The following ATXN1L variants were observed in gnomAD, a reference collection of about 807,000 sequenced individuals.
The protein encoded by ATXN1L is ataxin-1-like.
In ATXN1L, 8 loss-of-function variants were observed where a neutral mutation model predicts 43.4. The ratio of observed to expected loss-of-function variants is 0.18; its 90% CI spans 0.11 to 0.33. The LOEUF (loss-of-function observed/expected upper bound fraction) is 0.33. Among genes scored for constraint, ATXN1L ranks in the 10% least tolerant of loss-of-function variants. The pLI, the probability that ATXN1L is intolerant of heterozygous loss-of-function variation, is 1.00. For synonymous variants in ATXN1L, 379 were observed against 360.6 expected, an observed-to-expected ratio of 1.05 and a Z score of -0.58; for missense variants, 856 against 885.4, an observed-to-expected ratio of 0.97 and a Z score of 0.42.
rs1250977800 is a variant in ATXN1L at position 71,851,307 on chromosome 16, A to T, written c.1567A>T (p.Met523Leu). 5 of 1,551,548 alleles carry T rather than the reference A, an allele frequency of 3.2e-6. No individual in the cohort carries two copies. The highest frequency in any genetic ancestry group is 4.4e-6 in the Non-Finnish European group (5 of 1,146,992). ...IQESQWPGFVMLHFVVGEQQS... is the reference protein window; with the variant it reads ...IQESQWPGFVLLHFVVGEQQS... ...GGAGAGCCAATGGCCTGGATTTGTC[A>T]TGCTGCATTTTGTGGTTGGTGAGCA... The change falls in exon 3 of 3, where the codon ATG (methionine) becomes TTG (leucine). Residue 523 changes from methionine (M) to leucine (L), a missense_variant. Met to Leu is a conservative substitution (Grantham distance 15). Around this residue, in one of 7 missense-constraint regions of ATXN1L, gnomAD observed 54 missense variants for 56.6 expected, o/e 0.95. Coordinates refer to ENST00000427980, the MANE Select transcript of ATXN1L (RefSeq NM_001137675.4). This position sits in a 1 kb window ranked among gnomAD's most constrained non-coding sequence, Gnocchi z 4.9.
chr16:71,851,667 G>A lies in ATXN1L; in HGVS notation c.1927G>A (p.Gly643Ser), dbSNP rs774130143. 6.6e-6 allele frequency: 10 copies of A among 1,513,644 alleles called. No individual in the cohort carries two copies. The African/African-American group carries it at 7.0e-5, about 11-fold the overall frequency. 93.8% of individuals were successfully genotyped at this position (1,513,644 alleles called of 1,614,324 possible). Residue 643 changes from glycine (G) to serine (S), a missense_variant, in exon 3 of 3, where the codon GGT becomes AGT. Physicochemically the swap from Gly to Ser is moderately conservative, Grantham distance 56. This residue lies in a region of ATXN1L where 185 missense variants were observed against 176.8 expected (regional missense o/e 1.05). Transcript: ENST00000427980. The surrounding 1 kb of genome is among the most constrained non-coding windows in gnomAD (Gnocchi z 4.9). ...GGTAGAGCCTTCCCAGCCTGAGTCC[G>A]GTGCTCAGGCCTGCTGGCCAGCCCC... ...RVVEPSQPES[G>S]AQACWPAPSF...
rs540357035 is a variant in ATXN1L at position 71,850,395 on chromosome 16, C to T, written c.655C>T (p.Pro219Ser). ...ATTGCCACATCATTCAAGTACTCAGCCGCTGGACCTTGCTCCAGGTCGGAT... is the reference window on the plus strand; with the variant it reads ...ATTGCCACATCATTCAAGTACTCAGTCGCTGGACCTTGCTCCAGGTCGGAT... ...GQLPHHSSTQ[P>S]LDLAPGRMPI... Residue 219 changes from proline to serine, a missense_variant, in exon 3 of 3, where the codon CCG becomes TCG. This residue lies in a region of ATXN1L where 490 missense variants were observed against 449.4 expected (regional missense o/e 1.09). Coordinates refer to ENST00000427980, the MANE Select transcript of ATXN1L (RefSeq NM_001137675.4). The T allele has an allele frequency of 1.3e-6, 2 of 1,551,686 alleles. No individual in the cohort carries two copies. The highest frequency in any genetic ancestry group is 4.9e-5 in the East Asian group (2 of 40,908).
chr16:71,850,425 A>G lies in ATXN1L; in HGVS notation c.685A>G (p.Ile229Val), dbSNP rs191663318. The G allele has an allele frequency of 8.4e-6, 13 of 1,551,588 alleles. No homozygotes were observed. The East Asian group carries it at 2.7e-4, about 32-fold the overall frequency. Reference sequence around the variant, plus strand: ...GGACCTTGCTCCAGGTCGGATGCCCATTTATTATCAGATGTCCAGGCTACC... The same window carrying G: ...GGACCTTGCTCCAGGTCGGATGCCCGTTTATTATCAGATGTCCAGGCTACC... ...PLDLAPGRMPIYYQMSRLPAG... is the reference protein window; with the variant it reads ...PLDLAPGRMPVYYQMSRLPAG... Residue 229 changes from isoleucine (I) to valine (V), a missense_variant, in exon 3 of 3, where the codon ATT (isoleucine) becomes GTT (valine). Ile to Val is a conservative substitution (Grantham distance 29). Around this residue, in one of 7 missense-constraint regions of ATXN1L, gnomAD observed 490 missense variants for 449.4 expected, o/e 1.09. Transcript: ENST00000427980.
In ATXN1L at chr16:71,856,214, GTTTC is replaced by G. The variant is rs2033549638; in HGVS notation, c.*4408_*4411del. On this transcript the variant is annotated 3_prime_UTR_variant, in exon 3 of 3. Transcript: ENST00000427980. ...CATAAATGCACTTTTCACACTAAAGGTTTCTTTATTAGTTCTCCAGTTAAACCTA... is the reference window on the plus strand; with the variant it reads ...CATAAATGCACTTTTCACACTAAAGGTTTATTAGTTCTCCAGTTAAACCTA... 6.0e-6 allele frequency: 1 copy of G among 167,040 alleles called. No individual in the cohort carries two copies. The highest frequency in any genetic ancestry group is 1.5e-5 in the Non-Finnish European group (1 of 68,122). 10.3% of individuals were successfully genotyped at this position (167,040 alleles called of 1,614,324 possible).
In ATXN1L at chr16:71,852,058, G is replaced by T; in HGVS notation, c.*248G>T. On this transcript the variant is annotated 3_prime_UTR_variant, in exon 3 of 3. Coordinates refer to ENST00000427980, the MANE Select transcript of ATXN1L (RefSeq NM_001137675.4). ...CAGGCCTGGGGCAAGGAAGGAAGGG[G>T]GTGCACACAGGAGAAGAAACATTCC... is the stretch of plus-strand genomic sequence containing the variant. 2 of 359,554 alleles carry T rather than the reference G, an allele frequency of 5.6e-6. No homozygotes were observed. Among genetic ancestry groups the T allele is most frequent in the Non-Finnish European group, 1.0e-5 (2 of 193,582 alleles). The allele number at this position is 359,554 out of a possible 1,614,324, so 22.3% of individuals were successfully genotyped here.
rs929081473 is a variant in ATXN1L at position 71,855,909 on chromosome 16, G to A, written c.*4099G>A. 2 of 167,036 alleles carry A rather than the reference G, an allele frequency of 1.2e-5. No individual in the cohort carries two copies. Among genetic ancestry groups the A allele is most frequent in the African/African-American group, 4.8e-5 (2 of 41,428 alleles). 10.3% of individuals were successfully genotyped at this position (167,036 alleles called of 1,614,324 possible). ...ATCAGGAACCTGTTTGCCCTTTGCT[G>A]GGAAGCCTTCACTCTCCAGCTTTCC... is the stretch of plus-strand genomic sequence containing the variant. On this transcript the variant is annotated 3_prime_UTR_variant, in exon 3 of 3. Coordinates refer to ENST00000427980, the MANE Select transcript of ATXN1L (RefSeq NM_001137675.4).
rs377525889 is a variant in ATXN1L, at chr16:71,849,215, T to TAAAAAAAAA, written c.-117-409_-117-408insAAAAAAAAA. Among the ~76,000 whole-genome samples, 8 of 86,052 alleles carry TAAAAAAAAA rather than the reference T, an allele frequency of 9.3e-5. 2 individuals carry two copies. Among genetic ancestry groups the TAAAAAAAAA allele is most frequent in the Admixed American group, 1.3e-4 (1 of 7,664 alleles). 56.5% of individuals were successfully genotyped at this position (86,052 alleles called of 152,430 possible). The stretch of plus-strand genomic sequence containing the variant: ...CAACAAGAGCAAAACTCCATGTGTT[T>TAAAAAAAAA]TAAAAAAAAAAAAAAAAAAAAAAAA... On this transcript the variant is annotated intron_variant, in intron 2 of 2. Transcript: ENST00000427980.
rs2033546895 is a variant in ATXN1L, at chr16:71,855,954, C to G, written c.*4144C>G. 6.0e-6 allele frequency: 1 copy of G among 167,042 alleles called. No individual in the cohort carries two copies. Among genetic ancestry groups the G allele is most frequent in the Non-Finnish European group, 1.5e-5 (1 of 68,120 alleles). 10.3% of individuals were successfully genotyped at this position (167,042 alleles called of 1,614,324 possible). On this transcript the variant is annotated 3_prime_UTR_variant, in exon 3 of 3. Transcript: ENST00000427980. The stretch of plus-strand genomic sequence containing the variant: ...CTTTCCTGGGGTAGGGAAGGTCTCC[C>G]ACATTATGCAATAATAAAATAAGCA...
rs1464576195 is a variant in ATXN1L at position 71,851,549 on chromosome 16, C to T, written c.1809C>T (p.Pro603=). 1.3e-6 allele frequency: 2 copies of T among 1,551,612 alleles called. No individual in the cohort carries two copies. Among genetic ancestry groups the T allele is most frequent in the East Asian group, 4.9e-5 (2 of 40,910 alleles). The stretch of plus-strand genomic sequence containing the variant: ...GTGCTCCCCCAAGCCAGCTGGGTCC[C>T]CCCCGAGAAAGGCCTGAGAGGACGG... ...ASCAPPSQLG[P]PRERPERTVL... The change falls in exon 3 of 3, where the codon CCC becomes CCT. Residue 603 remains proline (P), a synonymous_variant. Coordinates refer to ENST00000427980, the MANE Select transcript of ATXN1L (RefSeq NM_001137675.4). This position sits in a 1 kb window ranked among gnomAD's most constrained non-coding sequence, Gnocchi z 4.9.
intron 2 of ATXN1L, among the ~76,000 whole-genome samples, chr16:71,848,673 G>T (rs966284251): frequency 8.1e-6 from 1 of 123,284 alleles, no homozygotes; most frequent in Non-Finnish European, 1.6e-5. Context: ...TCATAACCTG[G>T]TTAGGGAGCA....
At position 71,852,911 on chromosome 16, in the gene ATXN1L, C is replaced by G. The variant is rs1242127180; in HGVS notation, c.*1101C>G. Reference sequence around the variant, plus strand: ...GGGTAGGGGGTCTCTCTGGTTTCCCCTTCAGCTATAATCTCTATTTTTAAA... The same window carrying G: ...GGGTAGGGGGTCTCTCTGGTTTCCCGTTCAGCTATAATCTCTATTTTTAAA... On this transcript the variant is annotated 3_prime_UTR_variant, in exon 3 of 3. Coordinates refer to ENST00000427980, the MANE Select transcript of ATXN1L (RefSeq NM_001137675.4). 1.8e-5 allele frequency: 3 copies of G among 167,244 alleles called. No individual in the cohort carries two copies. The highest frequency in any genetic ancestry group is 7.2e-5 in the African/African-American group (3 of 41,558). 10.4% of individuals were successfully genotyped at this position (167,244 alleles called of 1,614,324 possible). A position where few individuals can be genotyped will look rare whatever the true frequency, so the allele number is the denominator to read the frequency against.
chr16:71,848,800 A>T (rs1371153027), intron 2 of ATXN1L, among the ~76,000 whole-genome samples: 1 of 152,184 alleles, frequency 6.6e-6, no homozygotes, highest in Non-Finnish European at 1.5e-5. Context: ...GGCTTGGGAT[A>T]GCAGTAGGTG....
rs996909458 is a variant in ATXN1L, at chr16:71,855,261, G to A, written c.*3451G>A. The A allele has an allele frequency of 3.0e-5, 5 of 167,154 alleles. No individual in the cohort carries two copies. Among genetic ancestry groups the A allele is most frequent in the African/African-American group, 1.2e-4 (5 of 41,466 alleles). The allele number at this position is 167,154 out of a possible 1,614,324, so 10.4% of individuals were successfully genotyped here. On this transcript the variant is annotated 3_prime_UTR_variant, in exon 3 of 3. Coordinates refer to ENST00000427980, the MANE Select transcript of ATXN1L (RefSeq NM_001137675.4). ...AAAGGGATAAGGCTTCAGTGCTGTT[G>A]GGAGCCCTCTGGCTCCAAATGTCTG...
Position 71,850,474 on chromosome 16 carries a change from C to T in ATXN1L, c.734C>T (p.Thr245Ile). The T allele has an allele frequency of 1.9e-6, 3 of 1,551,716 alleles. No individual in the cohort carries two copies. The highest frequency in any genetic ancestry group is 2.6e-6 in the Non-Finnish European group (3 of 1,146,998). Residue 245 changes from threonine (T) to isoleucine (I), a missense_variant, in exon 3 of 3, where the codon ACC becomes ATC. Transcript: ENST00000427980. ...CCTGCTGGGTATACTTTGCATGAAA[C>T]CCCTCCAGCAGGTGCCAGCCCAGTT... ...RLPAGYTLHE[T>I]PPAGASPVLT...
In ATXN1L at chr16:71,854,005, C is replaced by A. The variant is rs1287995585; in HGVS notation, c.*2195C>A. ...CCTGTGGGGTTGAGTCTTGAGGAAT[C>A]CCCTCAAATGAGAAGGCCTTGGGAG... On this transcript the variant is annotated 3_prime_UTR_variant, in exon 3 of 3. Coordinates refer to ENST00000427980, the MANE Select transcript of ATXN1L (RefSeq NM_001137675.4). The A allele has an allele frequency of 6.0e-6, 1 of 167,072 alleles. No individual in the cohort carries two copies. Among genetic ancestry groups the A allele is most frequent in the Non-Finnish European group, 1.5e-5 (1 of 68,138 alleles). The allele number at this position is 167,072 out of a possible 1,614,324, so 10.3% of individuals were successfully genotyped here. A position where few individuals can be genotyped will look rare whatever the true frequency, so the allele number is the denominator to read the frequency against.
rs1285429283 is a variant in ATXN1L, at chr16:71,853,429, T to TTG, written c.*1621_*1622dup. 6.0e-6 allele frequency: 1 copy of TTG among 167,066 alleles called. No individual in the cohort carries two copies. 10.3% of individuals were successfully genotyped at this position (167,066 alleles called of 1,614,324 possible). A position where few individuals can be genotyped will look rare whatever the true frequency, so the allele number is the denominator to read the frequency against. ...AGACTCTTGAAGGCAACTCAGGGTA[T>TTG]TGTCCACGCAGCTCTCTGGTTAGAC... On this transcript the variant is annotated 3_prime_UTR_variant, in exon 3 of 3. Transcript: ENST00000427980.
At chr16:71,846,777 C>T (rs181569523) in intron 1 of ATXN1L, among the ~76,000 whole-genome samples, 4 of 152,082 alleles carry the variant, frequency 2.6e-5, no homozygotes, top group East Asian at 3.9e-4. Flanking sequence ...GGGAACCTGG[C>T]GCACAGGCTT....
chr16:71,850,861 G>T lies in ATXN1L; in HGVS notation c.1121G>T (p.Gly374Val). 6.4e-7 allele frequency: 1 copy of T among 1,551,734 alleles called. No individual in the cohort carries two copies. Among genetic ancestry groups the T allele is most frequent in the East Asian group, 2.4e-5 (1 of 40,926 alleles). The stretch of plus-strand genomic sequence containing the variant: ...TCCCATCATACCCCCGACCATCAGG[G>T]TGAGGGGCGAGGGTCAGCCAGGAAC... ...NLSHHTPDHQGEGRGSARNPA... is the reference protein window; with the variant it reads ...NLSHHTPDHQVEGRGSARNPA... The change falls in exon 3 of 3, where the codon GGT becomes GTT. Residue 374 changes from glycine to valine, a missense_variant. This residue lies in a region of ATXN1L where 490 missense variants were observed against 449.4 expected (regional missense o/e 1.09). Transcript: ENST00000427980.
intron 2 of ATXN1L, among the ~76,000 whole-genome samples, chr16:71,849,212 G>A (rs1597109980): frequency 1.7e-5 from 1 of 58,242 alleles, no homozygotes; most frequent in Non-Finnish European, 3.3e-5. Flanking sequence ...AACTCCATGT[G>A]TTTTAAAAAA....
Sources: gnomAD v4.1 joint callset for allele counts (sites outside exome capture counted in the v4.1 genomes callset) on GRCh38, gnomAD v4.1.1 for gene constraint, gnomAD v4.1.1 regional missense constraint, Gnocchi (gnomAD v3.1) non-coding constraint, MANE v1.5 for transcripts, NCBI Gene and HGNC (gene_info 2026-07-23, HGNC 2026-07-21) for gene names.